Variants in CNIH3 observed in about 807,000 individuals in gnomAD.
The protein encoded by CNIH3 is protein cornichon homolog 3.
Under a neutral mutation model 24.1 loss-of-function variants are expected in CNIH3, and 14 were observed. That is an observed-to-expected ratio of 0.58 (90% CI 0.38 to 0.91). CNIH3 has a LOEUF of 0.91. CNIH3 is among the 40% of genes least tolerant of loss of function. The pLI, the probability that CNIH3 is intolerant of heterozygous loss-of-function variation, is 0.00. For missense variants in CNIH3, 178 were observed against 196.8 expected (o/e 0.90, Z 0.57); for synonymous variants, 68 against 73.8 (o/e 0.92, Z 0.40).
At chr1:224,467,352 A>G (rs1676189233) in intron 1 of CNIH3, among the ~76,000 whole-genome samples, 1 of 152,202 alleles carries the variant, frequency 6.6e-6, no homozygotes, top group South Asian at 2.1e-4. Flanking sequence ...TTCTCTTAAC[A>G]GGAGCTTTCA....
At chr1:224,442,772 G>T (rs139668424) in intron 1 of CNIH3, among the ~76,000 whole-genome samples, 1 of 152,334 alleles carries the variant, frequency 6.6e-6, no homozygotes, top group Non-Finnish European at 1.5e-5. Flanking sequence ...TGGCTCCAGA[G>T]CTGTGTTCTC....
At chr1:224,680,696 A>G (rs1686355927) in intron 1 of CNIH3, among the ~76,000 whole-genome samples, 1 of 152,184 alleles carries the variant, frequency 6.6e-6, no homozygotes, top group Non-Finnish European at 1.5e-5. Flanking sequence ...AGCACAGTAG[A>G]CTTTCTTTAC....
intron 2 of CNIH3, among the ~76,000 whole-genome samples, chr1:224,533,153 G>C (rs1477355691): frequency 1.3e-5 from 2 of 151,848 alleles, no homozygotes; most frequent in Non-Finnish European, 2.9e-5. Context: ...ATTCCAAATA[G>C]AGGAAAATGC....
In CNIH3 at chr1:224,510,613, A is replaced by AAC. The variant is rs1454906956; in HGVS notation, n.204-5127_204-5126insCA. 3.9e-3 allele frequency among the ~76,000 whole-genome samples: 521 copies of AAC among 133,766 alleles called. 5 individuals carry two copies. The highest frequency in any genetic ancestry group is 0.016 in the African/African-American group (502 of 30,904). The allele number at this position is 133,766 out of a possible 152,430, so 87.8% of individuals were successfully genotyped here. A position where few individuals can be genotyped will look rare whatever the true frequency, so the allele number is the denominator to read the frequency against. ...CCCTGTCTCAAAAAAAAAAAACAAAAAAAAAACAAAAAAAAGAAAGAACTA... is the reference window on the plus strand; with the variant it reads ...CCCTGTCTCAAAAAAAAAAAACAAAAACAAAAAACAAAAAAAAGAAAGAACTA... On this transcript the variant is annotated intron_variant and non_coding_transcript_variant, in intron 1 of 5. Transcript: ENST00000471578.
chr1:224,580,927 C>A lies in CNIH3; in HGVS notation n.517-2237C>A, dbSNP rs997940694. Among the ~76,000 whole-genome samples the A allele has an allele frequency of 3.3e-5, 5 of 152,224 alleles. No homozygotes were observed. The East Asian group carries it at 9.7e-4, about 29-fold the overall frequency. On this transcript the variant is annotated intron_variant and non_coding_transcript_variant, in intron 4 of 5. Coordinates refer to the CNIH3 transcript ENST00000471578. ...TAGAGAAAGCAGTCAAATATGCATT[C>A]ATCTTGGGGTAGATGAGGACAATTC...
rs1027623901 is a variant in CNIH3 at position 224,674,011 on chromosome 1, T to C, written c.82-6947T>C. ...CTGGGTCTTGGTCTCCTGAACTGTA[T>C]GCTAGGGGGAGATTCCGATCCAGTT... On this transcript the variant is annotated intron_variant, in intron 1 of 5. Coordinates refer to ENST00000272133, the MANE Select transcript of CNIH3 (RefSeq NM_152495.2). Among the ~76,000 whole-genome samples, 5 of 152,178 alleles carry C rather than the reference T, an allele frequency of 3.3e-5. No homozygotes were observed. The East Asian group carries it at 9.6e-4, about 29-fold the overall frequency.
At chr1:224,523,424 GA>G (rs1678721353) in intron 2 of CNIH3, among the ~76,000 whole-genome samples, 1 of 152,170 alleles carries the variant, frequency 6.6e-6, no homozygotes, top group Non-Finnish European at 1.5e-5. Context: ...ATATAATTTT[GA>G]GTGAAAGAAG....
upstream of CNIH3, among the ~76,000 whole-genome samples, chr1:224,513,366 G>GT (rs1318861150): frequency 7.0e-6 from 1 of 142,876 alleles, no homozygotes. Context: ...GGGTGGGAGG[G>GT]GGGGGGTCTC....
At chr1:224,667,936 G>T (rs550839447) in intron 1 of CNIH3, among the ~76,000 whole-genome samples, 3 of 152,286 alleles carry the variant, frequency 2.0e-5, no homozygotes, top group East Asian at 3.9e-4. Context: ...CTCCCATGGA[G>T]CCCTGCAGCT....
downstream of CNIH3, among the ~76,000 whole-genome samples, chr1:224,591,622 G>C (rs1681758772): frequency 6.6e-6 from 1 of 152,162 alleles, no homozygotes; most frequent in South Asian, 2.1e-4. Context: ...ATAGGTTTCA[G>C]ATACTATGCC....
chr1:224,656,379 C>T (rs1332203685), intron 1 of CNIH3, among the ~76,000 whole-genome samples: 1 of 152,172 alleles, frequency 6.6e-6, no homozygotes, highest in Non-Finnish European at 1.5e-5. Context: ...AGTGAATCCA[C>T]TGGGGAATCC....
At chr1:224,530,820 G>A (rs1339263722) in intron 2 of CNIH3, among the ~76,000 whole-genome samples, 2 of 151,952 alleles carry the variant, frequency 1.3e-5, no homozygotes, top group South Asian at 2.1e-4. Context: ...GGATGGTCGC[G>A]ATCTCCTGAC....
downstream of CNIH3, among the ~76,000 whole-genome samples, chr1:224,593,150 T>A (rs1386814162): frequency 6.6e-6 from 1 of 151,600 alleles, no homozygotes; most frequent in Non-Finnish European, 1.5e-5. Flanking sequence ...CTTCTTTTTT[T>A]TTTTTTAACT....
downstream of CNIH3, among the ~76,000 whole-genome samples, chr1:224,592,069 T>C (rs530716532): frequency 1.3e-5 from 2 of 152,138 alleles, no homozygotes; most frequent in Non-Finnish European, 2.9e-5. Flanking sequence ...CAGGACTTTT[T>C]TTTTGTCCCA....
chr1:224,466,909 A>G (rs760735179), intron 1 of CNIH3, among the ~76,000 whole-genome samples: 2 of 151,998 alleles, frequency 1.3e-5, no homozygotes, highest in Non-Finnish European at 2.9e-5. Flanking sequence ...TTTTTAGTAC[A>G]CTTGCTAATT....
At chr1:224,682,308 G>A (rs546791811) in intron 2 of CNIH3, among the ~76,000 whole-genome samples, 1 of 152,280 alleles carries the variant, frequency 6.6e-6, no homozygotes, top group South Asian at 2.1e-4. Flanking sequence ...GGACTCGTTT[G>A]TACAGGGATT....
intron 1 of CNIH3, among the ~76,000 whole-genome samples, chr1:224,642,466 A>ACAATCCACCTGCCTTGG (rs1443880673): frequency 6.6e-6 from 1 of 151,862 alleles, no homozygotes; most frequent in Non-Finnish European, 1.5e-5. Context: ...CTGGCCTCTA[A>ACAATCCACCTGCCTTGG]CAATCCACCT....
intron 1 of CNIH3, among the ~76,000 whole-genome samples, chr1:224,440,172 C>T (rs150332779): frequency 5.3e-5 from 8 of 152,338 alleles, no homozygotes; most frequent in Non-Finnish European, 1.0e-4. Context: ...CCGCCTGCCT[C>T]GGCGTCCCAA....
At chr1:224,493,436 C>A (rs1172961917) in intron 1 of CNIH3, among the ~76,000 whole-genome samples, 2 of 151,876 alleles carry the variant, frequency 1.3e-5, no homozygotes, top group Non-Finnish European at 2.9e-5. Flanking sequence ...GGTAGGGAGA[C>A]CTAGTGTGCT....
Sources: allele counts gnomAD v4.1 joint callset (sites outside exome capture counted in the v4.1 genomes callset), GRCh38; gene constraint gnomAD v4.1.1; transcripts MANE v1.5; gene names NCBI Gene and HGNC (gene_info 2026-07-23, HGNC 2026-07-21).